FXYD4: variants seen among roughly 807,000 people sequenced by gnomAD.
FXYD4 encodes FXYD domain containing ion transport regulator 4.
FXYD4 carries 14 observed loss-of-function variants against 18.3 expected under a neutral mutation model. The ratio of observed to expected loss-of-function variants is 0.77; its 90% CI spans 0.51 to 1.20. The LOEUF (loss-of-function observed/expected upper bound fraction) is 1.20, where lower values mean the gene tolerates loss of function less well. FXYD4 is among the 50% of genes most tolerant of loss of function. The pLI, the probability that FXYD4 is intolerant of heterozygous loss-of-function variation, is 0.00. For missense variants in FXYD4, 99 were observed against 106.1 expected, an observed-to-expected ratio of 0.93 and a Z score of 0.29; for synonymous variants, 40 against 40.5, an observed-to-expected ratio of 0.99 and a Z score of 0.04.
chr10:43,376,114 T>A lies in FXYD4; in HGVS notation c.251-33T>A, dbSNP rs182847944. ...GCTGAGGGGGTGTCTGTGTAAGGAC[T>A]GTGTCTGATGGCCTGCCCGCCACTC... is the stretch of plus-strand genomic sequence containing the variant. On this transcript the variant is annotated intron_variant, in intron 8 of 8. Transcript: ENST00000476166. The A allele has an allele frequency of 8.1e-6, 13 of 1,613,886 alleles. No individual in the cohort carries two copies. The South Asian group carries it at 1.4e-4, about 18-fold the overall frequency.
At chr10:43,374,034 G>T (rs1837838695) in intron 3 of FXYD4, among the ~76,000 whole-genome samples, 1 of 152,188 alleles carries the variant, frequency 6.6e-6, no homozygotes, top group African/African-American at 2.4e-5. Context: ...ACAAAAGCAG[G>T]GTGGCACAGC....
At chr10:43,375,065 C>T (rs796626947) in intron 5 of FXYD4, among the ~76,000 whole-genome samples, 5 of 133,818 alleles carry the variant, frequency 3.7e-5, no homozygotes, top group African/African-American at 1.1e-4. Context: ...CTGACTCTGT[C>T]GCCTAGGCTG....
intron 7 of FXYD4, 90 bp from the exon 8 acceptor site, chr10:43,375,942 C>G: frequency 7.0e-7 from 1 of 1,426,436 alleles, no homozygotes; most frequent in Non-Finnish European, 9.9e-7. Flanking sequence ...AGGACTTGCA[C>G]TCCTGGGGCC....
rs1837857246 is a variant in FXYD4 at position 43,375,375 on chromosome 10, T to G, written c.98-124T>G. ...TCCCCACGAGACGCAGAATGATGCC[T>G]CTGTTGCTGGCTTGTCTTTATGTAT... On this transcript the variant is annotated intron_variant, in intron 5 of 8. Coordinates refer to ENST00000476166, the MANE Select transcript of FXYD4 (RefSeq NM_173160.3). 5 of 721,522 alleles carry G rather than the reference T, an allele frequency of 6.9e-6. No individual in the cohort carries two copies. The South Asian group carries it at 8.0e-5, about 12-fold the overall frequency. 44.7% of individuals were successfully genotyped at this position (721,522 alleles called of 1,614,324 possible).
Position 43,373,743 on chromosome 10 carries a change from T to C in FXYD4, c.-4T>C, listed in dbSNP as rs1382937626. 6.2e-7 allele frequency: 1 copy of C among 1,604,696 alleles called. No individual in the cohort carries two copies. Among genetic ancestry groups the C allele is most frequent in the South Asian group, 1.1e-5 (1 of 90,868 alleles). On this transcript the variant is annotated 5_prime_UTR_variant, in exon 3 of 9. The change abolishes the stop of an existing upstream ORF in the 5' untranslated region. Transcript: ENST00000476166. ...CCCTGCAGCCCTGCCCCTCGAACTG[T>C]GACATGGAGAGAGTGACCCTGGCCC...
intron 5 of FXYD4, 85 bp from the exon 6 acceptor site, chr10:43,375,414 G>A: frequency 9.9e-7 from 1 of 1,009,226 alleles, no homozygotes; most frequent in Non-Finnish European, 1.6e-6. Flanking sequence ...GCAGCGGCTG[G>A]CACAAGCAGG....
rs754662151 is a variant in FXYD4 at position 43,375,560 on chromosome 10, C to T, written c.159C>T (p.Ile53=). Residue 53 remains isoleucine, a synonymous_variant, in exon 6 of 9, where the codon ATC becomes ATT. Transcript: ENST00000476166. ...ICGGLLAIAG[I]AAVLSGKCKC... ...GAGGGCTCCTGGCCATTGCTGGGAT[C>T]GCGGCAGTTCTGAGTGAGTGGCAGG... The T allele has an allele frequency of 7.4e-6, 12 of 1,613,702 alleles. No individual in the cohort carries two copies. Among genetic ancestry groups the T allele is most frequent in the African/African-American group, 4.0e-5 (3 of 74,854 alleles).
At chr10:43,375,860 T>A in intron 7 of FXYD4, 126 bp downstream of exon 7, 1 of 1,241,102 alleles carries the variant, frequency 8.1e-7, no homozygotes, top group Admixed American at 1.7e-5. Context: ...ATTCAGATAG[T>A]CAACCCTGAA....
At chr10:43,374,971 C>CAGCTTTCCT (rs1837851215) in intron 5 of FXYD4, among the ~76,000 whole-genome samples, 1 of 151,336 alleles carries the variant, frequency 6.6e-6, no homozygotes, top group Non-Finnish European at 1.5e-5. Context: ...AGCTCCAGGA[C>CAGCTTTCCT]AGCTTTCCTT....
rs1034269387 is a variant in FXYD4, at chr10:43,375,613, G to C, written c.172+40G>C. 3.7e-6 allele frequency: 6 copies of C among 1,607,570 alleles called. No individual in the cohort carries two copies. The African/African-American group carries it at 8.0e-5, about 22-fold the overall frequency. ...AGGTGGGGCTGGAGGACAGGGTGGG[G>C]CTGGCGGACAGGGTGGGGCAGAAAG... On this transcript the variant is annotated intron_variant, in intron 6 of 8. Transcript: ENST00000476166.
Position 43,373,707 on chromosome 10 carries a change from A to G in FXYD4, c.-40A>G, listed in dbSNP as rs1287432575. 2.3e-6 allele frequency: 3 copies of G among 1,316,592 alleles called. No homozygotes were observed. The highest frequency in any genetic ancestry group is 2.3e-5 in the East Asian group (1 of 43,482). The allele number at this position is 1,316,592 out of a possible 1,614,324, so 81.6% of individuals were successfully genotyped here. On this transcript the variant is annotated 5_prime_UTR_variant, in exon 3 of 9. Coordinates refer to ENST00000476166, the MANE Select transcript of FXYD4 (RefSeq NM_173160.3). Reference sequence around the variant, plus strand: ...TCCGTGGGCTGCAGACCCCCGCCCCAGTGCCTCTCCCCCTGCAGCCCTGCC... The same window carrying G: ...TCCGTGGGCTGCAGACCCCCGCCCCGGTGCCTCTCCCCCTGCAGCCCTGCC...
Position 43,376,262 on chromosome 10 carries a change from CCAAGGG to C in FXYD4, c.*99_*104del. 7.3e-7 allele frequency: 1 copy of C among 1,372,464 alleles called. No homozygotes were observed. The highest frequency in any genetic ancestry group is 1.0e-6 in the Non-Finnish European group (1 of 967,962). The allele number at this position is 1,372,464 out of a possible 1,614,324, so 85.0% of individuals were successfully genotyped here. On this transcript the variant is annotated 3_prime_UTR_variant, in exon 9 of 9. Coordinates refer to ENST00000476166, the MANE Select transcript of FXYD4 (RefSeq NM_173160.3). Reference sequence around the variant, plus strand: ...CTTATCCTCAAGGAAGGACTTCTCTCCAAGGGCAGGCTGTTAGGCCCCTTTCTGATC... The same window carrying C: ...CTTATCCTCAAGGAAGGACTTCTCTCCAGGCTGTTAGGCCCCTTTCTGATC...
In FXYD4 at chr10:43,376,066, C is replaced by A. The variant is rs748340864; in HGVS notation, c.247C>A (p.Pro83Thr). 1 of 1,614,098 alleles carries A rather than the reference C, an allele frequency of 6.2e-7. No homozygotes were observed. The highest frequency in any genetic ancestry group is 1.1e-5 in the South Asian group (1 of 91,080). The change falls in exon 8 of 9, where the codon CCA becomes ACA. Residue 83 changes from proline to threonine, a missense_variant. Coordinates refer to ENST00000476166, the MANE Select transcript of FXYD4 (RefSeq NM_173160.3). Reference protein sequence around the residue: ...VPEKAIPLITPGSATTC With the variant: ...VPEKAIPLITTGSATTC ...TGAGAAGGCCATCCCACTCATCACT[C>A]CAGGTGAGACGGGCTTCTGTGGGCT...
intron 4 of FXYD4, 49 bp downstream of exon 4, chr10:43,374,551 C>T (rs372892506): frequency 4.8e-5 from 77 of 1,612,178 alleles, no homozygotes; most frequent in Non-Finnish European, 6.4e-5. Context: ...CATCTCCCCT[C>T]TGACACCCAC....
intron 3 of FXYD4, 58 bp from the exon 4 acceptor site, chr10:43,374,412 C>G: frequency 6.4e-7 from 1 of 1,568,216 alleles, no homozygotes; most frequent in Non-Finnish European, 8.8e-7. Flanking sequence ...TGCTGTCTGG[C>G]TTACTTGGAC....
In FXYD4 at chr10:43,374,726, T is replaced by C. The variant is rs965654242; in HGVS notation, c.97+87T>C. ...AAGTTGGTGAGGGGTAGTGTGGACCTAGTGTAGACAAAGTGGGATGGGGGA... is the reference window on the plus strand; with the variant it reads ...AAGTTGGTGAGGGGTAGTGTGGACCCAGTGTAGACAAAGTGGGATGGGGGA... On this transcript the variant is annotated intron_variant, in intron 5 of 8. Coordinates refer to ENST00000476166, the MANE Select transcript of FXYD4 (RefSeq NM_173160.3). The C allele has an allele frequency of 6.7e-5, 70 of 1,043,166 alleles. 1 individual carries two copies. The highest frequency in any genetic ancestry group is 6.3e-4 in the South Asian group (50 of 79,564). 64.6% of individuals were successfully genotyped at this position (1,043,166 alleles called of 1,614,324 possible).
At chr10:43,374,212 C>A (rs1439978370) in intron 3 of FXYD4, among the ~76,000 whole-genome samples, 2 of 152,200 alleles carry the variant, frequency 1.3e-5, no homozygotes, top group African/African-American at 4.8e-5. Flanking sequence ...AAAAGACAAG[C>A]ATTCCCTGTT....
At chr10:43,375,928 A>T in intron 7 of FXYD4, 104 bp from the exon 8 acceptor site, 1 of 1,303,046 alleles carries the variant, frequency 7.7e-7, no homozygotes, top group Non-Finnish European at 1.1e-6. Flanking sequence ...ATGGAAGGAG[A>T]GCAAGGACTT....
chr10:43,372,278 A>G (rs893808550), intron 1 of FXYD4, among the ~76,000 whole-genome samples: 2 of 151,786 alleles, frequency 1.3e-5, no homozygotes, highest in Non-Finnish European at 2.9e-5. Flanking sequence ...GTGTTTATTT[A>G]TGGATGTATT....
Sources: gnomAD v4.1 joint callset for allele counts (sites outside exome capture counted in the v4.1 genomes callset) on GRCh38, gnomAD v4.1.1 for gene constraint, MANE v1.5 for transcripts, NCBI Gene and HGNC (gene_info 2026-07-23, HGNC 2026-07-21) for gene names.